TSPAN14: variants seen among roughly 807,000 people sequenced by gnomAD.
TSPAN14 encodes the protein tetraspanin 14.
Under a neutral mutation model 36.6 loss-of-function variants are expected in TSPAN14, and 16 were observed. The observed-to-expected ratio is 0.44, with a 90% confidence interval of 0.30 to 0.66. TSPAN14 has a LOEUF of 0.66. TSPAN14 is among the 30% of genes least tolerant of loss of function. The pLI, the probability that TSPAN14 is intolerant of heterozygous loss-of-function variation, is 0.12. For missense variants in TSPAN14, 231 were observed against 355.1 expected, an observed-to-expected ratio of 0.65 and a Z score of 2.81; for synonymous variants, 139 against 143.8, an observed-to-expected ratio of 0.97 and a Z score of 0.24.
intron 2 of TSPAN14, among the ~76,000 whole-genome samples, chr10:80,494,296 C>T (rs1207489286): frequency 1.3e-5 from 2 of 152,202 alleles, no homozygotes; most frequent in African/African-American, 4.8e-5. Flanking sequence ...GGCTTAAGGC[C>T]TATTCCTTCA....
chr10:80,454,539 G>A (rs1374568247), intron 1 of TSPAN14, among the ~76,000 whole-genome samples, 168 bp downstream of exon 1: 2 of 151,928 alleles, frequency 1.3e-5, no homozygotes, highest in East Asian at 3.9e-4. Context: ...GGGCGGCGCT[G>A]GCTTTGTCTG....
At chr10:80,494,929 C>T (rs562125387) in intron 2 of TSPAN14, among the ~76,000 whole-genome samples, 2 of 152,314 alleles carry the variant, frequency 1.3e-5, no homozygotes, top group South Asian at 2.1e-4. Context: ...CATGCCCCAG[C>T]GTCCTGTCTG....
Position 80,516,424 on chromosome 10 carries a change from G to C in TSPAN14, c.741+101G>C, listed in dbSNP as rs1022577366. 6 of 1,541,120 alleles carry C rather than the reference G, an allele frequency of 3.9e-6. No homozygotes were observed. In the African/African-American group the frequency reaches 6.9e-5, roughly 18 times the overall value. On this transcript the variant is annotated intron_variant, in intron 8 of 8. Transcript: ENST00000429989. The stretch of plus-strand genomic sequence containing the variant: ...GGGTCCAGTTTGGGTATGGTATTAA[G>C]GAAGCTTGCAGAAGAAAAAAAGGGA...
At chr10:80,465,681 A>G (rs191785948) in intron 1 of TSPAN14, among the ~76,000 whole-genome samples, 1 of 152,214 alleles carries the variant, frequency 6.6e-6, no homozygotes, top group African/African-American at 2.4e-5. Context: ...CACTAAAGAG[A>G]GAGAGAGTTA....
At chr10:80,511,646 C>T (rs1029199532) in intron 5 of TSPAN14, among the ~76,000 whole-genome samples, 1 of 150,558 alleles carries the variant, frequency 6.6e-6, no homozygotes, top group East Asian at 2.0e-4. Context: ...CACCGTGGCC[C>T]GGAGATACCT....
At chr10:80,474,072 C>A (rs1846715583) in intron 1 of TSPAN14, among the ~76,000 whole-genome samples, 1 of 152,112 alleles carries the variant, frequency 6.6e-6, no homozygotes, top group South Asian at 2.1e-4. Flanking sequence ...GCTCTAGAGA[C>A]CCCCTTCTCA....
chr10:80,476,207 T>TA (rs1256281577), intron 1 of TSPAN14, among the ~76,000 whole-genome samples: 2 of 151,588 alleles, frequency 1.3e-5, no homozygotes, highest in African/African-American at 4.8e-5. Context: ...CCCTGTCTCT[T>TA]AAAAAAAATT....
At chr10:80,517,830 A>G (rs998304721) in intron 8 of TSPAN14, 75 bp from the exon 9 acceptor site, 6 of 1,447,760 alleles carry the variant, frequency 4.1e-6, no homozygotes, top group Non-Finnish European at 5.7e-6. Context: ...GGAGCTCCCA[A>G]CCCCACCCTC....
intron 7 of TSPAN14, among the ~76,000 whole-genome samples, chr10:80,514,971 C>T (rs1239062085): frequency 6.6e-6 from 1 of 152,132 alleles, no homozygotes; most frequent in Non-Finnish European, 1.5e-5. Context: ...AGTGGGCCCT[C>T]ATCCGACACT....
rs752141874 is a variant in TSPAN14 at position 80,512,244 on chromosome 10, T to A, written c.551T>A (p.Phe184Tyr). ...AGCCGAGAGAAGTGCGGGGTCCCCT[T>A]CTCCTGCTGCGTGCCAGATCCTGCG... The change falls in exon 6 of 9, where the codon TTC becomes TAC. Residue 184 changes from phenylalanine (F) to tyrosine (Y), a missense_variant. Coordinates refer to ENST00000429989, the Ensembl canonical transcript of TSPAN14. 1.7e-5 allele frequency: 28 copies of A among 1,613,952 alleles called. No homozygotes were observed. Among genetic ancestry groups the A allele is most frequent in the Non-Finnish European group, 2.3e-5 (27 of 1,180,040 alleles).
At chr10:80,489,362 G>A (rs1463682890) in intron 2 of TSPAN14, 48 bp downstream of exon 2, 2 of 1,253,840 alleles carry the variant, frequency 1.6e-6, no homozygotes, top group Non-Finnish European at 1.1e-6. Flanking sequence ...CCTTCATTCA[G>A]TAAATTATGG....
At chr10:80,455,490 TGAGA>T (rs1204091092) in intron 1 of TSPAN14, among the ~76,000 whole-genome samples, 1 of 152,136 alleles carries the variant, frequency 6.6e-6, no homozygotes, top group African/African-American at 2.4e-5. Context: ...CTTGGGCTAG[TGAGA>T]GAGTGGCCTG....
At chr10:80,482,539 C>T (rs1438634266) in intron 1 of TSPAN14, among the ~76,000 whole-genome samples, 1 of 151,022 alleles carries the variant, frequency 6.6e-6, no homozygotes. Context: ...CCACCTGCCT[C>T]AGCCTCCCAG....
chr10:80,507,152 C>T (rs939738140), intron 3 of TSPAN14, 76 bp from the exon 4 acceptor site: 1 of 1,565,400 alleles, frequency 6.4e-7, no homozygotes, highest in Admixed American at 1.8e-5. Context: ...TTTTCAGTAC[C>T]ACCTGCATCC....
chr10:80,513,196 T>C (rs2132061673), intron 6 of TSPAN14, among the ~76,000 whole-genome samples: 1 of 152,252 alleles, frequency 6.6e-6, no homozygotes, highest in African/African-American at 2.4e-5. Context: ...GCTGTGCCTG[T>C]CCTGTCCTTT....
At chr10:80,522,520 TAAAA>T (rs796510371) in exon 9 of TSPAN14, 3 of 150,952 alleles carry the variant, frequency 2.0e-5, no homozygotes, top group Admixed American at 1.3e-4. Context: ...AAAATAAAAT[TAAAA>T]AAAAACTACT....
At chr10:80,505,026 T>G (rs571081980) in intron 3 of TSPAN14, among the ~76,000 whole-genome samples, 2 of 152,324 alleles carry the variant, frequency 1.3e-5, no homozygotes, top group East Asian at 3.9e-4. Context: ...TCAGCTCTTG[T>G]ATGCAGCTGT....
intron 3 of TSPAN14, 78 bp from the exon 4 acceptor site, chr10:80,507,150 A>G (rs776352500): frequency 6.4e-7 from 1 of 1,563,192 alleles, no homozygotes; most frequent in South Asian, 1.1e-5. Flanking sequence ...TGTTTTCAGT[A>G]CCACCTGCAT....
chr10:80,464,423 A>G (rs1454701072), intron 1 of TSPAN14, among the ~76,000 whole-genome samples: 1 of 152,124 alleles, frequency 6.6e-6, no homozygotes, highest in Non-Finnish European at 1.5e-5. Flanking sequence ...GGAAGGAGGG[A>G]CAGTCGTGAG....
Sources: allele counts gnomAD v4.1 joint callset (sites outside exome capture counted in the v4.1 genomes callset), GRCh38; gene constraint gnomAD v4.1.1; transcripts MANE v1.5; gene names NCBI Gene and HGNC (gene_info 2026-07-23, HGNC 2026-07-21).